GRINA: variants seen among roughly 807,000 people sequenced by gnomAD.
GRINA encodes protein lifeguard 1.
A neutral mutation model predicts 42.5 loss-of-function variants in GRINA; 26 were observed. That is an observed-to-expected ratio of 0.61 (90% CI 0.45 to 0.85). The LOEUF (loss-of-function observed/expected upper bound fraction) is 0.85, where lower values mean the gene tolerates loss of function less well. Among genes scored for constraint, GRINA ranks in the 40% least tolerant of loss-of-function variants. The pLI, the probability that GRINA is intolerant of heterozygous loss-of-function variation, is 0.00. For missense variants in GRINA, 475 were observed against 481.5 expected, an observed-to-expected ratio of 0.99 and a Z score of 0.13; for synonymous variants, 256 against 204.2, an observed-to-expected ratio of 1.25 and a Z score of -2.17.
intron 1 of GRINA, 67 bp from the exon 2 acceptor site, chr8:143,991,133 C>A (rs1834085344): frequency 8.4e-6 from 7 of 836,608 alleles, no homozygotes; most frequent in Non-Finnish European, 1.3e-5. Flanking sequence ...GGTGGAGTTG[C>A]GCAGGGCTGG....
At chr8:143,992,658 T>C in intron 6 of GRINA, 34 bp from the exon 7 acceptor site, 1 of 1,613,906 alleles carries the variant, frequency 6.2e-7, no homozygotes, top group East Asian at 2.2e-5. Flanking sequence ...GCAGGCAGGC[T>C]TGTCCCTCAA....
At position 143,991,200 on chromosome 8, in the gene GRINA, G is replaced by C. The variant is rs1466225875; in HGVS notation, c.-24G>C. ...ACTGTTCCTTGTCTGTCTTCTCTAGGGGCGGACCGCGGAACCCGAGGCCAT... is the reference window on the plus strand; with the variant it reads ...ACTGTTCCTTGTCTGTCTTCTCTAGCGGCGGACCGCGGAACCCGAGGCCAT... On this transcript the variant is annotated splice_region_variant and 5_prime_UTR_variant, in exon 2 of 7. Transcript: ENST00000395068. The C allele has an allele frequency of 6.5e-7, 1 of 1,535,770 alleles. No homozygotes were observed.
rs1834090815 is a variant in GRINA at position 143,991,343 on chromosome 8, C to G, written c.120C>G (p.Ala40=). ...PPYAQPPYPG[A]PYPQPPFQPS... ...ATGCTCAGCCTCCCTACCCTGGGGC[C>G]CCTTACCCACAGCCCCCTTTCCAGC... Residue 40 remains alanine (A), a synonymous_variant, in exon 2 of 7, where the codon GCC becomes GCG. Coordinates refer to ENST00000395068, the MANE Select transcript of GRINA (RefSeq NM_001009184.2). 7.4e-7 allele frequency: 1 copy of G among 1,358,632 alleles called. No homozygotes were observed. The highest frequency in any genetic ancestry group is 1.5e-5 in the African/African-American group (1 of 68,128). 84.2% of individuals were successfully genotyped at this position (1,358,632 alleles called of 1,614,324 possible).
Position 143,991,365 on chromosome 8 carries a change from C to T in GRINA, c.142C>T (p.Gln48Ter). The change falls in exon 2 of 7, where the codon CAG becomes TAG. Residue 48 changes from glutamine (Q) to a stop codon, truncating the protein, a stop_gained. Transcript: ENST00000395068. LOFTEE classifies it high-confidence loss of function. ...GGCCCCTTACCCACAGCCCCCTTTC[C>T]AGCCCTCCCCCTACGGTCAGCCAGG... ...PGAPYPQPPF[Q>*]PSPYGQPGYP... 1 of 1,233,762 alleles carries T rather than the reference C, an allele frequency of 8.1e-7. No individual in the cohort carries two copies. The highest frequency in any genetic ancestry group is 1.5e-5 in the South Asian group (1 of 66,824). The allele number at this position is 1,233,762 out of a possible 1,614,324, so 76.4% of individuals were successfully genotyped here.
At chr8:143,992,646 G>GGGCA in intron 6 of GRINA, 38 bp downstream of exon 6, 1 of 1,613,954 alleles carries the variant, frequency 6.2e-7, no homozygotes, top group Non-Finnish European at 8.5e-7. Flanking sequence ...GCGGGATGCT[G>GGGCA]GGCAGGCAGG....
chr8:143,990,064 C>A lies in GRINA; in HGVS notation c.-160C>A, dbSNP rs1160664484. On this transcript the variant is annotated 5_prime_UTR_variant, in exon 1 of 7. Transcript: ENST00000395068. This position sits in a 1 kb window ranked among gnomAD's most constrained non-coding sequence, Gnocchi z 5.6. The stretch of plus-strand genomic sequence containing the variant: ...CCCTGCCCCGCCCCGTCACAAGGCC[C>A]CGCTGCGTCTTCCGAGCCGCAGGCG... The A allele has an allele frequency of 6.6e-6, 1 of 151,114 alleles. No homozygotes were observed. Among genetic ancestry groups the A allele is most frequent in the East Asian group, 1.9e-4 (1 of 5,174 alleles). The allele number at this position is 151,114 out of a possible 1,614,324, so 9.4% of individuals were successfully genotyped here.
chr8:143,993,076 A>T lies in GRINA; in HGVS notation c.*235A>T. The T allele has an allele frequency of 1.9e-6, 1 of 529,174 alleles. No homozygotes were observed. Among genetic ancestry groups the T allele is most frequent in the Non-Finnish European group, 3.4e-6 (1 of 294,262 alleles). 32.8% of individuals were successfully genotyped at this position (529,174 alleles called of 1,614,324 possible). On this transcript the variant is annotated 3_prime_UTR_variant, in exon 7 of 7. Coordinates refer to ENST00000395068, the MANE Select transcript of GRINA (RefSeq NM_001009184.2). The stretch of plus-strand genomic sequence containing the variant: ...GCCCCCGCCAAGGGGCACCAAGGCC[A>T]CGTTTCCGTGCCACCTCCTGTCTAC...
At position 143,992,501 on chromosome 8, in the gene GRINA, C is replaced by T. The variant is rs1315574390; in HGVS notation, c.859C>T (p.Leu287=). ...YDFTSCMGVL[L]VSMVVLFIFA... is the part of the protein sequence containing the mutation. The stretch of plus-strand genomic sequence containing the variant: ...CTTCACCTCATGCATGGGCGTGCTC[C>T]TGGTGAGCATGGTGGTGCTCTTCAT... Residue 287 remains leucine, a synonymous_variant, in exon 6 of 7, where the codon CTG becomes TTG. Transcript: ENST00000395068. 8 of 1,614,142 alleles carry T rather than the reference C, an allele frequency of 5.0e-6. No homozygotes were observed. In the East Asian group the frequency reaches 6.7e-5, roughly 13 times the overall value.
In GRINA at chr8:143,991,869, C is replaced by T; in HGVS notation, c.493-9C>T. ...CCCAGCGGATGACTCTGAGCGGCTC[C>T]TTCCCCAGGTGTTCCTAGTGCTGAC... On this transcript the variant is annotated splice_polypyrimidine_tract_variant and intron_variant, in intron 3 of 6. Coordinates refer to ENST00000395068, the MANE Select transcript of GRINA (RefSeq NM_001009184.2). 1 of 1,610,652 alleles carries T rather than the reference C, an allele frequency of 6.2e-7. No individual in the cohort carries two copies. The highest frequency in any genetic ancestry group is 8.5e-7 in the Non-Finnish European group (1 of 1,177,700).
chr8:143,991,368 C>A lies in GRINA; in HGVS notation c.145C>A (p.Pro49Thr). 8.2e-7 allele frequency: 1 copy of A among 1,219,542 alleles called. No homozygotes were observed. The highest frequency in any genetic ancestry group is 1.1e-6 in the Non-Finnish European group (1 of 873,726). 75.5% of individuals were successfully genotyped at this position (1,219,542 alleles called of 1,614,324 possible). Residue 49 changes from proline to threonine, a missense_variant, in exon 2 of 7, where the codon CCC becomes ACC. Physicochemically the swap from Pro to Thr is conservative, Grantham distance 38. This residue lies in a region of GRINA where 321 missense variants were observed against 267.2 expected (regional missense o/e 1.20). Transcript: ENST00000395068. ...CCCTTACCCACAGCCCCCTTTCCAGCCCTCCCCCTACGGTCAGCCAGGGTA... is the reference window on the plus strand; with the variant it reads ...CCCTTACCCACAGCCCCCTTTCCAGACCTCCCCCTACGGTCAGCCAGGGTA... ...GAPYPQPPFQ[P>T]SPYGQPGYPH... is the part of the protein sequence containing the mutation.
rs782544244 is a variant in GRINA, at chr8:143,992,474, G to T, written c.832G>T (p.Asp278Tyr). The T allele has an allele frequency of 6.2e-7, 1 of 1,613,998 alleles. No individual in the cohort carries two copies. The highest frequency in any genetic ancestry group is 8.5e-7 in the Non-Finnish European group (1 of 1,180,036). The change falls in exon 6 of 7, where the codon GAC becomes TAC. Residue 278 changes from aspartate (D) to tyrosine (Y), a missense_variant. Physicochemically the swap from Asp to Tyr is radical, Grantham distance 160. Coordinates refer to ENST00000395068, the MANE Select transcript of GRINA (RefSeq NM_001009184.2). ...CCTCTCCCACCTGCAGACCCGCTACGACTTCACCTCATGCATGGGCGTGCT... is the reference window on the plus strand; with the variant it reads ...CCTCTCCCACCTGCAGACCCGCTACTACTTCACCTCATGCATGGGCGTGCT... Reference protein sequence around the residue: ...VVIFSMQTRYDFTSCMGVLLV... With the variant: ...VVIFSMQTRYYFTSCMGVLLV...
Position 143,990,965 on chromosome 8 carries a change from C to T in GRINA, c.-24-235C>T, listed in dbSNP as rs1305435664. On this transcript the variant is annotated intron_variant, in intron 1 of 6. Transcript: ENST00000395068. The surrounding 1 kb of genome is among the most constrained non-coding windows in gnomAD (Gnocchi z 5.6). ...CTGGCGGTCGTCCCCTCGCCCGGCC[C>T]CTCCCCCACCCTAAAGGCGGCCTAG... 1 of 284,944 alleles carries T rather than the reference C, an allele frequency of 3.5e-6. No individual in the cohort carries two copies. Among genetic ancestry groups the T allele is most frequent in the Non-Finnish European group, 6.6e-6 (1 of 152,624 alleles). The allele number at this position is 284,944 out of a possible 1,614,324, so 17.7% of individuals were successfully genotyped here.
rs782809033 is a variant in GRINA at position 143,992,857 on chromosome 8, C to T, written c.*16C>T. 1.5e-5 allele frequency: 24 copies of T among 1,610,442 alleles called. No individual in the cohort carries two copies. Among genetic ancestry groups the T allele is most frequent in the Non-Finnish European group, 1.9e-5 (22 of 1,178,402 alleles). On this transcript the variant is annotated 3_prime_UTR_variant, in exon 7 of 7. Transcript: ENST00000395068. ...CAAGGAGTAGCCGAGCTCCAGCTCG[C>T]TGTGCCCGCTCAGGTGGCACGGCTG...
chr8:143,991,642 CA>C, intron 2 of GRINA, 40 bp downstream of exon 2: 1 of 1,581,886 alleles, frequency 6.3e-7, no homozygotes, highest in Non-Finnish European at 8.7e-7. Flanking sequence ...GCCGGGAGGG[CA>C]GGGGGAGGTG....
In GRINA at chr8:143,990,968, C is replaced by G. The variant is rs1834082603; in HGVS notation, c.-24-232C>G. The G allele has an allele frequency of 3.5e-6, 1 of 283,782 alleles. No homozygotes were observed. Among genetic ancestry groups the G allele is most frequent in the African/African-American group, 2.2e-5 (1 of 45,634 alleles). 17.6% of individuals were successfully genotyped at this position (283,782 alleles called of 1,614,324 possible). A position where few individuals can be genotyped will look rare whatever the true frequency, so the allele number is the denominator to read the frequency against. On this transcript the variant is annotated intron_variant, in intron 1 of 6. Coordinates refer to ENST00000395068, the MANE Select transcript of GRINA (RefSeq NM_001009184.2). This position sits in a 1 kb window ranked among gnomAD's most constrained non-coding sequence, Gnocchi z 5.6. ...GCGGTCGTCCCCTCGCCCGGCCCCT[C>G]CCCCACCCTAAAGGCGGCCTAGAGC...
Position 143,991,393 on chromosome 8 carries a change from ACC to A in GRINA, c.174_175del (p.His59TrpfsTer67). On this transcript the variant is annotated frameshift_variant, in exon 2 of 7. Transcript: ENST00000395068. LOFTEE classifies it high-confidence loss of function. ...CCCTCCCCCTACGGTCAGCCAGGGT[ACC>A]CCCATGGCCCCAGCCCCTACCCCCA... 1 of 1,128,278 alleles carries A rather than the reference ACC, an allele frequency of 8.9e-7. No homozygotes were observed. Among genetic ancestry groups the A allele is most frequent in the Non-Finnish European group, 1.2e-6 (1 of 809,074 alleles). 69.9% of individuals were successfully genotyped at this position (1,128,278 alleles called of 1,614,324 possible). A position where few individuals can be genotyped will look rare whatever the true frequency, so the allele number is the denominator to read the frequency against.
In GRINA at chr8:143,990,143, C is replaced by T. The variant is rs1352978709; in HGVS notation, c.-81C>T. The T allele has an allele frequency of 6.6e-6, 1 of 150,864 alleles. No individual in the cohort carries two copies. The highest frequency in any genetic ancestry group is 2.4e-5 in the African/African-American group (1 of 41,298). The allele number at this position is 150,864 out of a possible 1,614,324, so 9.3% of individuals were successfully genotyped here. On this transcript the variant is annotated 5_prime_UTR_variant, in exon 1 of 7. Coordinates refer to ENST00000395068, the MANE Select transcript of GRINA (RefSeq NM_001009184.2). The surrounding 1 kb of genome is among the most constrained non-coding windows in gnomAD (Gnocchi z 5.6). Reference sequence around the variant, plus strand: ...GTGCGGGTGCGGGCGCATCGGCCATCACCGCGCGGCCGCGCAGCGGACACC... The same window carrying T: ...GTGCGGGTGCGGGCGCATCGGCCATTACCGCGCGGCCGCGCAGCGGACACC...
Position 143,992,521 on chromosome 8 carries a change from C to CT in GRINA, c.881dup (p.Ile295HisfsTer116). The CT allele has an allele frequency of 6.2e-7, 1 of 1,614,182 alleles. No homozygotes were observed. The highest frequency in any genetic ancestry group is 8.5e-7 in the Non-Finnish European group (1 of 1,180,036). ...TGCTCCTGGTGAGCATGGTGGTGCT[C>CT]TTCATCTTCGCCATTCTCTGCATCT... On this transcript the variant is annotated frameshift_variant, in exon 6 of 7. Transcript: ENST00000395068. LOFTEE classifies it high-confidence loss of function.
In GRINA at chr8:143,991,564, A is replaced by G. The variant is rs782571648; in HGVS notation, c.341A>G (p.Tyr114Cys). The change falls in exon 2 of 7, where the codon TAT (tyrosine) becomes TGT (cysteine). Residue 114 changes from tyrosine (Y) to cysteine (C), a missense_variant. This residue lies in a region of GRINA where 321 missense variants were observed against 267.2 expected (regional missense o/e 1.20). Transcript: ENST00000395068. ...YPQSPFPPNP[Y>C]GQPQVFPGQD... ...CAGAGCCCCTTCCCCCCCAACCCCT[A>G]TGGACAGCCACAGGTCTTCCCAGGA... 2 of 1,581,110 alleles carry G rather than the reference A, an allele frequency of 1.3e-6. No homozygotes were observed. The highest frequency in any genetic ancestry group is 2.2e-5 in the East Asian group (1 of 44,620).
Sources: gnomAD v4.1 joint callset for allele counts on GRCh38, gnomAD v4.1.1 for gene constraint, gnomAD v4.1.1 regional missense constraint, Gnocchi (gnomAD v3.1) non-coding constraint, MANE v1.5 for transcripts, NCBI Gene and HGNC (gene_info 2026-07-23, HGNC 2026-07-21) for gene names.